Variants in RASSF3 observed in about 807,000 individuals in gnomAD.
The protein encoded by RASSF3 is ras association domain-containing protein 3.
In RASSF3, 19 loss-of-function variants were observed where a neutral mutation model predicts 19.9. That is an observed-to-expected ratio of 0.96 (90% CI 0.67 to 1.40). The LOEUF (loss-of-function observed/expected upper bound fraction) is 1.40, where lower values mean the gene tolerates loss of function less well. Ranked by LOEUF, RASSF3 falls within the 40% of genes most tolerant of loss-of-function variation. RASSF3 has a pLI of 0.00. For missense variants in RASSF3, 306 were observed against 289.8 expected, an observed-to-expected ratio of 1.06 and a Z score of -0.41; for synonymous variants, 110 against 104.2, an observed-to-expected ratio of 1.06 and a Z score of -0.34.
At chr12:64,694,633 CAG>C in intron 4 of RASSF3, 128 bp from the exon 5 acceptor site, 1 of 997,744 alleles carries the variant, frequency 1.0e-6, no homozygotes. Flanking sequence ...CCAGCTCTTG[CAG>C]ACCACACCTT....
At chr12:64,592,829 T>A (rs537755135) in intron 2 of RASSF3, among the ~76,000 whole-genome samples, 1 of 152,064 alleles carries the variant, frequency 6.6e-6, no homozygotes, top group South Asian at 2.1e-4. Context: ...ATTTTATTTT[T>A]ATTTTTTTGT....
rs1868299358 is a variant in RASSF3, at chr12:64,507,508, G to A, written c.169+179G>A. On this transcript the variant is annotated intron_variant, in intron 1 of 5. Transcript: ENST00000637125. The stretch of plus-strand genomic sequence containing the variant: ...GAAAATTGAGAGAAAATAAAATTAA[G>A]CATTTTGAGGCTGATGTATTAGAAG... 7.8e-6 allele frequency: 3 copies of A among 382,544 alleles called. 1 individual carries two copies. Among genetic ancestry groups the A allele is most frequent in the Middle Eastern group, 1.3e-3 (2 of 1,514 alleles). 23.7% of individuals were successfully genotyped at this position (382,544 alleles called of 1,614,324 possible).
rs569964039 is a variant in RASSF3 at position 64,656,501 on chromosome 12, A to G, written c.112-28286A>G. Reference sequence around the variant, plus strand: ...AATTTGCAGTGCTGAAAAGATTCCAAAGTTGTGATTCTCTACCTTTTTCTG... The same window carrying G: ...AATTTGCAGTGCTGAAAAGATTCCAGAGTTGTGATTCTCTACCTTTTTCTG... On this transcript the variant is annotated intron_variant, in intron 1 of 4. Coordinates refer to ENST00000542104, the MANE Select transcript of RASSF3 (RefSeq NM_178169.4). Among the ~76,000 whole-genome samples the G allele has an allele frequency of 1.6e-4, 24 of 152,328 alleles. 1 individual carries two copies. In the South Asian group the frequency reaches 4.6e-3, roughly 29 times the overall value.
intron 1 of RASSF3, among the ~76,000 whole-genome samples, chr12:64,635,302 C>T (rs149940955): frequency 0.01 from 1,540 of 152,162 alleles, 29 homozygotes; most frequent in African/African-American, 0.035. Context: ...GATGACCCCT[C>T]GTATCTGTAT....
intron 1 of RASSF3, among the ~76,000 whole-genome samples, chr12:64,644,152 T>A (rs1309901075): frequency 2.0e-5 from 3 of 152,202 alleles, no homozygotes; most frequent in Non-Finnish European, 4.4e-5. Flanking sequence ...CAGTTTAAAT[T>A]GCATTAAAAA....
chr12:64,652,644 T>C (rs1052994440), intron 1 of RASSF3, among the ~76,000 whole-genome samples: 3 of 152,230 alleles, frequency 2.0e-5, no homozygotes, highest in Non-Finnish European at 4.4e-5. Flanking sequence ...ATGAGGATTC[T>C]TGCTCTTAAT....
At chr12:64,591,412 GT>G (rs972597331) in intron 2 of RASSF3, among the ~76,000 whole-genome samples, 35 of 151,746 alleles carry the variant, frequency 2.3e-4, no homozygotes, top group African/African-American at 8.0e-4. Context: ...GGAGGCGGAG[GT>G]TGCAGTGAGC....
At chr12:64,630,104 A>C (rs544749740) in intron 1 of RASSF3, 2 of 152,322 alleles carry the variant, frequency 1.3e-5, no homozygotes, top group East Asian at 3.9e-4. Flanking sequence ...TATTTGAAGT[A>C]CCTCTGAATT....
At chr12:64,577,405 T>C (rs142959036) in intron 2 of RASSF3, among the ~76,000 whole-genome samples, 51 of 152,368 alleles carry the variant, frequency 3.3e-4, no homozygotes, top group Non-Finnish European at 5.4e-4. Context: ...TTGGCTTTCC[T>C]TGAGAAATCG....
chr12:64,673,134 A>T (rs1346941533), intron 1 of RASSF3, among the ~76,000 whole-genome samples: 1 of 152,168 alleles, frequency 6.6e-6, no homozygotes, highest in Non-Finnish European at 1.5e-5. Context: ...TTGACCTCCA[A>T]ACTTTGACCT....
intron 1 of RASSF3, among the ~76,000 whole-genome samples, chr12:64,629,441 T>G (rs1871098535): frequency 6.6e-6 from 1 of 152,106 alleles, no homozygotes; most frequent in Admixed American, 6.6e-5. Context: ...GGACTATACT[T>G]AAATGCATAA....
chr12:64,538,287 C>T (rs1868872120), intron 1 of RASSF3, among the ~76,000 whole-genome samples: 1 of 152,170 alleles, frequency 6.6e-6, no homozygotes, highest in Admixed American at 6.5e-5. Context: ...GCCGCTGTGC[C>T]TGGCCTTAGT....
At chr12:64,555,757 A>G (rs1342470103) in intron 2 of RASSF3, among the ~76,000 whole-genome samples, 1 of 151,928 alleles carries the variant, frequency 6.6e-6, no homozygotes, top group Non-Finnish European at 1.5e-5. Context: ...TCAAAAAAAA[A>G]AAAAGCCTCT....
At chr12:64,666,738 C>G (rs951948767) in intron 1 of RASSF3, among the ~76,000 whole-genome samples, 1 of 152,204 alleles carries the variant, frequency 6.6e-6, no homozygotes, top group Non-Finnish European at 1.5e-5. Context: ...CCACATGTCC[C>G]ACCTAGGCCT....
chr12:64,636,038 G>T (rs1592434984), intron 1 of RASSF3, among the ~76,000 whole-genome samples: 1 of 152,026 alleles, frequency 6.6e-6, no homozygotes, highest in East Asian at 1.9e-4. Flanking sequence ...TACAATATGG[G>T]TGGAAATGAT....
chr12:64,516,998 CAAAAAAAAAAA>C lies in RASSF3; in HGVS notation c.169+9682_169+9692del, dbSNP rs371430838. 1.2e-4 allele frequency among the ~76,000 whole-genome samples: 6 copies of C among 51,974 alleles called. No individual in the cohort carries two copies. The East Asian group carries it at 2.4e-3, about 21-fold the overall frequency. The allele number at this position is 51,974 out of a possible 152,430, so 34.1% of individuals were successfully genotyped here. A position where few individuals can be genotyped will look rare whatever the true frequency, so the allele number is the denominator to read the frequency against. On this transcript the variant is annotated intron_variant, in intron 1 of 5. Transcript: ENST00000637125. ...TGGGTGAGAAAGTGAAAATCTGTCT[CAAAAAAAAAAA>C]AAAAAAAAAAAAGAAAGAGAAAGAA... is the stretch of plus-strand genomic sequence containing the variant.
chr12:64,539,355 C>T (rs949358160), intron 1 of RASSF3, among the ~76,000 whole-genome samples: 2 of 152,118 alleles, frequency 1.3e-5, no homozygotes, highest in Non-Finnish European at 2.9e-5. Context: ...TCCCAAAGGC[C>T]TTACCTTCAA....
At chr12:64,532,050 T>C (rs540106982), upstream of RASSF3, among the ~76,000 whole-genome samples, 1 of 152,152 alleles carries the variant, frequency 6.6e-6, no homozygotes, top group East Asian at 1.9e-4. Flanking sequence ...TCAACAGAAG[T>C]GGGAGATCAG....
chr12:64,606,707 C>T (rs933978792), upstream of RASSF3, among the ~76,000 whole-genome samples: 1 of 152,050 alleles, frequency 6.6e-6, no homozygotes, highest in African/African-American at 2.4e-5. Context: ...CCTAGCTACT[C>T]GGGAGGCTGA....
Sources: gnomAD v4.1 joint callset for allele counts (sites outside exome capture counted in the v4.1 genomes callset) on GRCh38, gnomAD v4.1.1 for gene constraint, MANE v1.5 for transcripts, NCBI Gene and HGNC (gene_info 2026-07-23, HGNC 2026-07-21) for gene names.